LEKR1: variants seen among roughly 807,000 people sequenced by gnomAD.
LEKR1 encodes the protein leucine, glutamate and lysine rich 1.
In LEKR1, 59 loss-of-function variants were observed where a neutral mutation model predicts 72.4. The ratio of observed to expected loss-of-function variants is 0.82; its 90% CI spans 0.66 to 1.01. The LOEUF is 1.01. Among genes scored for constraint, LEKR1 ranks in the 50% least tolerant of loss-of-function variants. The pLI, the probability that LEKR1 is intolerant of heterozygous loss-of-function variation, is 0.00. For missense variants in LEKR1, 728 were observed against 759.2 expected, an observed-to-expected ratio of 0.96 and a Z score of 0.48; for synonymous variants, 257 against 263.2, an observed-to-expected ratio of 0.98 and a Z score of 0.23.
chr3:156,879,987 C>T (rs1305393796), intron 3 of LEKR1, among the ~76,000 whole-genome samples: 2 of 152,176 alleles, frequency 1.3e-5, no homozygotes, highest in Non-Finnish European at 2.9e-5. Flanking sequence ...TCATGGAGAA[C>T]CTCTGCTAGG....
chr3:156,830,445 T>C (rs1215096209), intron 2 of LEKR1, among the ~76,000 whole-genome samples: 1 of 152,218 alleles, frequency 6.6e-6, no homozygotes, highest in Non-Finnish European at 1.5e-5. Flanking sequence ...ATGTGTACTG[T>C]AGAATGTGGT....
intron 3 of LEKR1, among the ~76,000 whole-genome samples, chr3:156,881,581 T>C (rs1421840808): frequency 7.9e-5 from 12 of 151,034 alleles, no homozygotes; most frequent in African/African-American, 2.9e-4. Flanking sequence ...CTGCCCAAGG[T>C]AATTTACAGA....
At chr3:157,020,180 C>G (rs1733701818) in intron 10 of LEKR1, among the ~76,000 whole-genome samples, 1 of 151,872 alleles carries the variant, frequency 6.6e-6, no homozygotes, top group Non-Finnish European at 1.5e-5. Flanking sequence ...TCAGCTCATT[C>G]AAGCCATCAG....
intron 6 of LEKR1, chr3:156,977,501 G>A: frequency 2.4e-6 from 1 of 418,928 alleles, no homozygotes; most frequent in South Asian, 2.1e-5. Context: ...TCTCCCTTAG[G>A]TCATAGTGCA....
At chr3:156,940,712 T>C (rs1388834647) in intron 5 of LEKR1, among the ~76,000 whole-genome samples, 1 of 152,206 alleles carries the variant, frequency 6.6e-6, no homozygotes, top group Non-Finnish European at 1.5e-5. Flanking sequence ...CTTTTCCATG[T>C]CTTAGAATAT....
At chr3:157,014,467 T>G (rs570465619) in intron 10 of LEKR1, among the ~76,000 whole-genome samples, 2 of 152,164 alleles carry the variant, frequency 1.3e-5, no homozygotes, top group East Asian at 1.9e-4. Flanking sequence ...AATCTCAAAT[T>G]AGTTTTCAAA....
At chr3:156,952,610 T>G (rs1320666167) in intron 6 of LEKR1, among the ~76,000 whole-genome samples, 1 of 151,438 alleles carries the variant, frequency 6.6e-6, no homozygotes, top group Non-Finnish European at 1.5e-5. Flanking sequence ...CATTTCTGGG[T>G]GGACTATAAA....
At chr3:156,832,966 A>G (rs953547251) in intron 2 of LEKR1, among the ~76,000 whole-genome samples, 1 of 152,262 alleles carries the variant, frequency 6.6e-6, no homozygotes, top group African/African-American at 2.4e-5. Context: ...ATATTGCCAT[A>G]TGCTAAGAAG....
At chr3:156,885,098 T>G (rs1276804507) in intron 3 of LEKR1, among the ~76,000 whole-genome samples, 1 of 152,204 alleles carries the variant, frequency 6.6e-6, no homozygotes, top group East Asian at 1.9e-4. Flanking sequence ...GCATTTTGTA[T>G]TTCCCTAAGG....
At chr3:156,903,913 T>C (rs1194067457) in intron 3 of LEKR1, among the ~76,000 whole-genome samples, 1 of 152,120 alleles carries the variant, frequency 6.6e-6, no homozygotes, top group Non-Finnish European at 1.5e-5. Flanking sequence ...TCATAGAACA[T>C]GGAAACTTCT....
intron 4 of LEKR1, among the ~76,000 whole-genome samples, chr3:156,926,648 A>C (rs979025595): frequency 6.6e-6 from 1 of 151,916 alleles, no homozygotes; most frequent in Non-Finnish European, 1.5e-5. Flanking sequence ...CCATTTCTCC[A>C]ACTGAGGAGG....
At chr3:156,854,397 G>T (rs1395630334) in intron 3 of LEKR1, among the ~76,000 whole-genome samples, 1 of 151,828 alleles carries the variant, frequency 6.6e-6, no homozygotes, top group Non-Finnish European at 1.5e-5. Context: ...CTGCCCACCT[G>T]GGCCTCCCAA....
intron 12 of LEKR1, among the ~76,000 whole-genome samples, chr3:157,038,930 T>C (rs1343135093): frequency 6.6e-6 from 1 of 152,238 alleles, no homozygotes; most frequent in Non-Finnish European, 1.5e-5. Flanking sequence ...CTAACTGTGA[T>C]GAGCTACAGC....
chr3:156,937,382 C>A (rs747974284), intron 5 of LEKR1, among the ~76,000 whole-genome samples: 1 of 151,738 alleles, frequency 6.6e-6, no homozygotes, highest in African/African-American at 2.4e-5. Flanking sequence ...GAAATTTAAC[C>A]GAAGATGATA....
intron 6 of LEKR1, among the ~76,000 whole-genome samples, chr3:156,964,314 A>G (rs139466943): frequency 6.6e-6 from 1 of 152,206 alleles, no homozygotes; most frequent in East Asian, 1.9e-4. Context: ...TGTCAAAAAT[A>G]TTCATAGTAT....
chr3:156,962,546 T>C (rs1017471258), intron 6 of LEKR1, among the ~76,000 whole-genome samples: 2 of 152,190 alleles, frequency 1.3e-5, no homozygotes, highest in African/African-American at 4.8e-5. Context: ...GTGAGTCTTA[T>C]AAAGGGATCT....
chr3:156,953,908 C>T (rs773470087), intron 6 of LEKR1, among the ~76,000 whole-genome samples: 16 of 151,586 alleles, frequency 1.1e-4, no homozygotes, highest in South Asian at 2.1e-4. Context: ...TGGGTCAAAT[C>T]GTATTTTGGC....
intron 3 of LEKR1, among the ~76,000 whole-genome samples, chr3:156,884,593 C>T: frequency 6.6e-6 from 1 of 152,174 alleles, no homozygotes; most frequent in East Asian, 1.9e-4. Flanking sequence ...CTTCAGGAAG[C>T]TAAAGATGGG....
At chr3:157,041,751 C>T (rs772091905) in intron 12 of LEKR1, among the ~76,000 whole-genome samples, 3 of 151,884 alleles carry the variant, frequency 2.0e-5, no homozygotes, top group Admixed American at 6.6e-5. Context: ...TTATCTAAAA[C>T]ATAGAATATT....
Sources: allele counts gnomAD v4.1 joint callset (sites outside exome capture counted in the v4.1 genomes callset), GRCh38; gene constraint gnomAD v4.1.1; transcripts MANE v1.5; gene names NCBI Gene and HGNC (gene_info 2026-07-23, HGNC 2026-07-21).